RUNDC3B: variants seen among roughly 807,000 people sequenced by gnomAD.
The protein encoded by RUNDC3B is RUN domain containing 3B, also known as RUN domain-containing protein 3B.
A neutral mutation model predicts 58.4 loss-of-function variants in RUNDC3B; 33 were observed. The observed-to-expected ratio is 0.56, with a 90% CI of 0.43 to 0.75. The LOEUF is 0.75. Ranked by LOEUF, RUNDC3B falls within the 30% of genes least tolerant of loss-of-function variation. The probability of loss-of-function intolerance (pLI) is 0.00; values close to 1 mark genes in which losing one functional copy is unlikely to be tolerated. For synonymous variants in RUNDC3B, 193 were observed against 195.2 expected (o/e 0.99, Z 0.10); for missense variants, 501 against 535.7 (o/e 0.94, Z 0.64).
At chr7:87,722,183 TCTTATA>T (rs952765273) in intron 4 of RUNDC3B, among the ~76,000 whole-genome samples, 1 of 152,080 alleles carries the variant, frequency 6.6e-6, no homozygotes, top group Non-Finnish European at 1.5e-5. Context: ...ATCTATCACC[TCTTATA>T]CTTATCATTT....
At chr7:87,707,169 C>T (rs1361000739) in intron 3 of RUNDC3B, among the ~76,000 whole-genome samples, 2 of 152,020 alleles carry the variant, frequency 1.3e-5, no homozygotes, top group East Asian at 1.9e-4. Flanking sequence ...AATTTTCATA[C>T]AGAATGTCTA....
chr7:87,726,144 G>T lies in RUNDC3B; in HGVS notation c.459-13647G>T, dbSNP rs371641308. Among the ~76,000 whole-genome samples the T allele has an allele frequency of 2.2e-4, 33 of 152,150 alleles. 1 individual carries two copies. Among genetic ancestry groups the T allele is most frequent in the East Asian group, 1.4e-3 (7 of 5,166 alleles). On this transcript the variant is annotated intron_variant, in intron 4 of 10. Transcript: ENST00000394654. ...GCTTTTGTTGCCATTGCTTTTGGTG[G>T]TTTAGACATGAAGTCCTTGCCCATG...
At chr7:87,827,579 C>T (rs1357906048) in intron 10 of RUNDC3B, among the ~76,000 whole-genome samples, 1 of 151,882 alleles carries the variant, frequency 6.6e-6, no homozygotes, top group Non-Finnish European at 1.5e-5. Context: ...TTAAGCATTA[C>T]AAGGAAAGAT....
At position 87,708,503 on chromosome 7, in the gene RUNDC3B, A is replaced by T. The variant is rs538290873; in HGVS notation, c.373-2067A>T. On this transcript the variant is annotated intron_variant, in intron 3 of 10. Coordinates refer to ENST00000394654, the MANE Select transcript of RUNDC3B (RefSeq NM_001134405.2). ...TGCTAAAGAAATGTAATCTATAGTT[A>T]AAAATCATCCCATTGCAAGCCCATT... 2.6e-4 allele frequency among the ~76,000 whole-genome samples: 39 copies of T among 152,300 alleles called. 1 individual carries two copies. The highest frequency in any genetic ancestry group is 3.4e-3 in the Middle Eastern group (1 of 294).
At chr7:87,817,546 G>T (rs189413092) in intron 10 of RUNDC3B, among the ~76,000 whole-genome samples, 45 of 152,254 alleles carry the variant, frequency 3.0e-4, no homozygotes, top group African/African-American at 9.9e-4. Flanking sequence ...CTTCAGGCTG[G>T]TTCCTGCCTT....
intron 2 of RUNDC3B, among the ~76,000 whole-genome samples, chr7:87,658,611 A>G (rs1388178825): frequency 6.6e-6 from 1 of 152,204 alleles, no homozygotes; most frequent in African/African-American, 2.4e-5. Flanking sequence ...AAATAAAGAC[A>G]AAGAAAAAAT....
intron 2 of RUNDC3B, among the ~76,000 whole-genome samples, chr7:87,694,923 C>G (rs928410307): frequency 6.6e-6 from 1 of 152,106 alleles, no homozygotes; most frequent in South Asian, 2.1e-4. Context: ...TAGACACATA[C>G]TTTAGATATT....
intron 1 of RUNDC3B, among the ~76,000 whole-genome samples, chr7:87,632,674 A>T (rs934060243): frequency 6.6e-6 from 1 of 152,132 alleles, no homozygotes; most frequent in Admixed American, 6.5e-5. Flanking sequence ...TTGCATTTTT[A>T]TCCATAGATA....
intron 4 of RUNDC3B, among the ~76,000 whole-genome samples, chr7:87,720,558 G>A (rs948303551): frequency 3.3e-5 from 5 of 150,918 alleles, no homozygotes; most frequent in Non-Finnish European, 1.5e-5. Context: ...GTGTGTGTGT[G>A]TGTGTGTGTG....
At chr7:87,744,875 A>G (rs964799743) in intron 6 of RUNDC3B, among the ~76,000 whole-genome samples, 6 of 152,172 alleles carry the variant, frequency 3.9e-5, no homozygotes, top group African/African-American at 1.2e-4. Flanking sequence ...GTGAGAGTGG[A>G]CATCTTTGTC....
chr7:87,683,370 G>A (rs1405525949), intron 2 of RUNDC3B, among the ~76,000 whole-genome samples: 2 of 152,184 alleles, frequency 1.3e-5, no homozygotes, highest in Non-Finnish European at 2.9e-5. Context: ...ACTGGCACAA[G>A]AGGCCTAGGT....
chr7:87,649,275 T>C, intron 1 of RUNDC3B, among the ~76,000 whole-genome samples: 1 of 152,198 alleles, frequency 6.6e-6, no homozygotes, highest in South Asian at 2.1e-4. Context: ...CGTTTAAACA[T>C]TTATTTACCA....
Position 87,747,015 on chromosome 7 carries a change from G to A in RUNDC3B, c.629+5436G>A, listed in dbSNP as rs938309460. Among the ~76,000 whole-genome samples, 4 of 152,098 alleles carry A rather than the reference G, an allele frequency of 2.6e-5. No individual in the cohort carries two copies. In the East Asian group the frequency reaches 7.7e-4, roughly 29 times the overall value. ...CTTGGTTTGGATCCATTGCTCATGA[G>A]CTAGTATGATTTTTTGGGTGTGTTG... On this transcript the variant is annotated intron_variant, in intron 6 of 10. Transcript: ENST00000394654.
At chr7:87,679,565 T>G (rs1038887529) in intron 2 of RUNDC3B, among the ~76,000 whole-genome samples, 1 of 150,028 alleles carries the variant, frequency 6.7e-6, no homozygotes, top group Non-Finnish European at 1.5e-5. Context: ...AATTTTTTGA[T>G]TTTTTATAGA....
At chr7:87,725,333 A>G (rs1831158229) in intron 4 of RUNDC3B, among the ~76,000 whole-genome samples, 1 of 152,194 alleles carries the variant, frequency 6.6e-6, no homozygotes, top group Non-Finnish European at 1.5e-5. Context: ...AAGTGAGAAC[A>G]TGCGGTGTTT....
intron 8 of RUNDC3B, 44 bp from the exon 9 acceptor site, chr7:87,807,329 T>A: frequency 6.2e-7 from 1 of 1,603,296 alleles, no homozygotes; most frequent in East Asian, 2.2e-5. Flanking sequence ...TCTGCCATTG[T>A]AGAACAGTGA....
intron 2 of RUNDC3B, among the ~76,000 whole-genome samples, chr7:87,698,096 T>C (rs1004646202): frequency 2.6e-5 from 4 of 152,230 alleles, no homozygotes; most frequent in African/African-American, 9.6e-5. Flanking sequence ...TATTTTATTT[T>C]TAATTTTTTA....
intron 2 of RUNDC3B, among the ~76,000 whole-genome samples, chr7:87,663,639 A>G (rs1345561599): frequency 6.6e-6 from 1 of 152,186 alleles, no homozygotes; most frequent in Non-Finnish European, 1.5e-5. Context: ...GAAAAATCTT[A>G]CTGAACTTAG....
chr7:87,697,855 T>G (rs1231425234), intron 2 of RUNDC3B, among the ~76,000 whole-genome samples: 1 of 152,086 alleles, frequency 6.6e-6, no homozygotes, highest in Non-Finnish European at 1.5e-5. Flanking sequence ...TAGAAAGTGA[T>G]CTAGTTCAGG....
Sources: gnomAD v4.1 joint callset for allele counts (sites outside exome capture counted in the v4.1 genomes callset) on GRCh38, gnomAD v4.1.1 for gene constraint, MANE v1.5 for transcripts, NCBI Gene and HGNC (gene_info 2026-07-23, HGNC 2026-07-21) for gene names.